SLC4A7: variants seen among roughly 807,000 people sequenced by gnomAD.
SLC4A7 encodes sodium bicarbonate cotransporter 3.
In SLC4A7, 51 loss-of-function variants were observed where a neutral mutation model predicts 137.6. That is an observed-to-expected ratio of 0.37 (90% CI 0.30 to 0.47). SLC4A7 has a LOEUF of 0.47. Among genes scored for constraint, SLC4A7 ranks in the 20% least tolerant of loss-of-function variants. SLC4A7 has a pLI of 1.00. For missense variants in SLC4A7, 1,247 were observed against 1,525.4 expected (o/e 0.82, Z 3.04); for synonymous variants, 542 against 518.6 (o/e 1.05, Z -0.61).
Position 27,379,261 on chromosome 3 carries a change from C to T in SLC4A7, c.3686G>A (p.Arg1229Lys). The change falls in exon 25 of 26, where the codon AGA becomes AAA. Residue 1229 changes from arginine to lysine, a missense_variant. Arg to Lys is a conservative substitution (Grantham distance 26). Coordinates refer to ENST00000454389, the MANE Select transcript of SLC4A7 (RefSeq NM_001321103.2). Reference protein sequence around the residue: ...SMNTENAKVTRSNMSPDKPVS... With the variant: ...SMNTENAKVTKSNMSPDKPVS... ...TAGTTATAACTACCTCATGTTAGAT[C>T]TGGTTACTTTGGCATTCTCAGTATT... 1.3e-6 allele frequency: 2 copies of T among 1,528,218 alleles called. No individual in the cohort carries two copies. The highest frequency in any genetic ancestry group is 1.8e-6 in the Non-Finnish European group (2 of 1,139,738). 94.7% of individuals were successfully genotyped at this position (1,528,218 alleles called of 1,614,324 possible). A position where few individuals can be genotyped will look rare whatever the true frequency, so the allele number is the denominator to read the frequency against.
At chr3:27,431,853 A>C (rs913140793) in intron 6 of SLC4A7, among the ~76,000 whole-genome samples, 184 bp from the exon 7 acceptor site, 6 of 152,218 alleles carry the variant, frequency 3.9e-5, no homozygotes, top group African/African-American at 1.2e-4. Context: ...AAAGTTGGTT[A>C]AAACTGTAAT....
intron 3 of SLC4A7, among the ~76,000 whole-genome samples, chr3:27,445,150 C>G (rs2057490565): frequency 6.6e-6 from 1 of 152,190 alleles, no homozygotes; most frequent in Non-Finnish European, 1.5e-5. Context: ...AAGTGCTTAG[C>G]CTACTACTGT....
chr3:27,476,433 A>G (rs1221017196), intron 1 of SLC4A7, among the ~76,000 whole-genome samples: 1 of 152,226 alleles, frequency 6.6e-6, no homozygotes, highest in Non-Finnish European at 1.5e-5. Flanking sequence ...CCATAAATAA[A>G]AGCCATATAA....
rs866337992 is a variant in SLC4A7 at position 27,424,254 on chromosome 3, C to T, written c.1151-102G>A. ...TGATGATTTATGAATATTATAAAAG[C>T]AAATGTGCAAGGTTAAAAAAAATAA... On this transcript the variant is annotated intron_variant, in intron 7 of 25. Transcript: ENST00000454389. The T allele has an allele frequency of 8.9e-5, 52 of 586,134 alleles. No homozygotes were observed. The South Asian group carries it at 1.2e-3, about 14-fold the overall frequency. The allele number at this position is 586,134 out of a possible 1,614,324, so 36.3% of individuals were successfully genotyped here. A position where few individuals can be genotyped will look rare whatever the true frequency, so the allele number is the denominator to read the frequency against.
intron 1 of SLC4A7, among the ~76,000 whole-genome samples, chr3:27,481,661 T>C (rs1055140918): frequency 6.6e-6 from 1 of 152,258 alleles, no homozygotes; most frequent in East Asian, 1.9e-4. Context: ...TCGTAGACTA[T>C]ATGCTAGTTT....
At chr3:27,460,038 A>G (rs1025838627) in intron 1 of SLC4A7, among the ~76,000 whole-genome samples, 1 of 139,768 alleles carries the variant, frequency 7.2e-6, no homozygotes, top group East Asian at 2.0e-4. Flanking sequence ...TATATATATA[A>G]TTTTTTTTTT....
At chr3:27,418,384 G>A (rs1445461809) in intron 11 of SLC4A7, 102 bp downstream of exon 11, 4 of 836,550 alleles carry the variant, frequency 4.8e-6, no homozygotes, top group South Asian at 1.7e-5. Context: ...ACAGGACGAG[G>A]TGGGGATAAA....
chr3:27,421,996 C>G (rs954426196), intron 8 of SLC4A7, among the ~76,000 whole-genome samples: 1 of 152,122 alleles, frequency 6.6e-6, no homozygotes, highest in Non-Finnish European at 1.5e-5. Flanking sequence ...ACTGTTTTAA[C>G]TGTCACAATC....
At chr3:27,402,256 ATTGAATATACTTGCCAAACTT>A (rs2052829821) in intron 15 of SLC4A7, among the ~76,000 whole-genome samples, 1 of 152,228 alleles carries the variant, frequency 6.6e-6, no homozygotes, top group Non-Finnish European at 1.5e-5. Flanking sequence ...TTTTACACTT[ATTGAATATACTTGCCAAACTT>A]TTGTAACCAC....
At chr3:27,461,626 A>G (rs1404799575) in intron 1 of SLC4A7, among the ~76,000 whole-genome samples, 4 of 151,426 alleles carry the variant, frequency 2.6e-5, no homozygotes, top group African/African-American at 9.7e-5. Flanking sequence ...AAAAAAAAGA[A>G]TAAATAAAAA....
At chr3:27,382,061 T>G (rs2050474489) in intron 24 of SLC4A7, among the ~76,000 whole-genome samples, 1 of 152,052 alleles carries the variant, frequency 6.6e-6, no homozygotes, top group South Asian at 2.1e-4. Flanking sequence ...GAATGAGACT[T>G]CATCTCAAAA....
intron 15 of SLC4A7, 50 bp from the exon 16 acceptor site, chr3:27,400,919 T>C (rs1325023166): frequency 1.0e-6 from 1 of 998,076 alleles, no homozygotes; most frequent in South Asian, 1.4e-5. Context: ...ATTTCATGCT[T>C]ACATTTTACT....
chr3:27,377,343 G>A (rs1270074704), intron 25 of SLC4A7, among the ~76,000 whole-genome samples: 3 of 152,066 alleles, frequency 2.0e-5, no homozygotes, highest in South Asian at 2.1e-4. Flanking sequence ...TATTGGTTTT[G>A]TATTTATGAA....
At chr3:27,443,039 T>C (rs1239826463) in intron 3 of SLC4A7, among the ~76,000 whole-genome samples, 1 of 143,192 alleles carries the variant, frequency 7.0e-6, no homozygotes, top group African/African-American at 2.6e-5. Context: ...TTTCTTTTTT[T>C]TTTTTTTTTT....
chr3:27,431,224 G>T, intron 7 of SLC4A7, 74 bp downstream of exon 7: 2 of 1,446,808 alleles, frequency 1.4e-6, no homozygotes, highest in Non-Finnish European at 1.9e-6. Flanking sequence ...CTTAAGCTAT[G>T]TGCTAAAAGG....
At chr3:27,401,513 A>C (rs979831604) in intron 15 of SLC4A7, among the ~76,000 whole-genome samples, 1 of 152,218 alleles carries the variant, frequency 6.6e-6, no homozygotes. Context: ...TGAATGTTCC[A>C]AACTAGGTTA....
chr3:27,390,856 C>T (rs960352978), intron 21 of SLC4A7, among the ~76,000 whole-genome samples: 2 of 152,066 alleles, frequency 1.3e-5, no homozygotes, highest in African/African-American at 4.8e-5. Context: ...CAGGGTCTCA[C>T]TCTGTCACCC....
chr3:27,433,848 T>C, intron 6 of SLC4A7, 68 bp downstream of exon 6: 1 of 1,312,190 alleles, frequency 7.6e-7, no homozygotes, highest in South Asian at 1.2e-5. Context: ...CAAATGTTAA[T>C]CGTAACATAC....
chr3:27,437,285 A>T, intron 4 of SLC4A7, 103 bp downstream of exon 4: 1 of 573,582 alleles, frequency 1.7e-6, no homozygotes, highest in Non-Finnish European at 2.7e-6. Context: ...TGGGAGGCAG[A>T]AGTTGCAGTG....
Sources: gnomAD v4.1 joint callset for allele counts (sites outside exome capture counted in the v4.1 genomes callset) on GRCh38, gnomAD v4.1.1 for gene constraint, MANE v1.5 for transcripts, NCBI Gene and HGNC (gene_info 2026-07-23, HGNC 2026-07-21) for gene names.